The following TOGARAM1 variants were observed in gnomAD, a reference collection of about 807,000 sequenced individuals.
TOGARAM1 encodes the protein TOG array regulator of axonemal microtubules 1.
TOGARAM1 carries 100 observed loss-of-function variants against 166.6 expected under a neutral mutation model. The observed-to-expected ratio is 0.60, with a 90% confidence interval of 0.51 to 0.71. The LOEUF is 0.71. Among genes scored for constraint, TOGARAM1 ranks in the 30% least tolerant of loss-of-function variants. The probability of loss-of-function intolerance (pLI) is 0.00; values close to 1 mark genes in which losing one functional copy is unlikely to be tolerated. For missense variants in TOGARAM1, 2,029 were observed against 2,102.7 expected, an observed-to-expected ratio of 0.96 and a Z score of 0.69; for synonymous variants, 758 against 763.8, an observed-to-expected ratio of 0.99 and a Z score of 0.13.
chr14:45,045,613 G>GTATATATATA (rs1881994900), intron 13 of TOGARAM1, among the ~76,000 whole-genome samples: 1 of 74,456 alleles, frequency 1.3e-5, no homozygotes, highest in Non-Finnish European at 2.4e-5. Context: ...GTGTGTGTGT[G>GTATATATATA]TGTGTATATA....
chr14:44,978,673 C>G (rs1886349169), intron 1 of TOGARAM1, among the ~76,000 whole-genome samples: 1 of 152,068 alleles, frequency 6.6e-6, no homozygotes, highest in African/African-American at 2.4e-5. Flanking sequence ...TGGCACATGT[C>G]TATAGTCCCA....
At chr14:45,020,169 A>G (rs1880412287) in intron 7 of TOGARAM1, among the ~76,000 whole-genome samples, 1 of 152,222 alleles carries the variant, frequency 6.6e-6, no homozygotes, top group African/African-American at 2.4e-5. Context: ...CAGGGCATCC[A>G]CTGGCTGAGG....
intron 13 of TOGARAM1, among the ~76,000 whole-genome samples, chr14:45,045,543 G>A (rs12590447): frequency 0.26 from 9,947 of 38,116 alleles, 1,439 homozygotes; most frequent in Middle Eastern, 0.35. Context: ...GTCTGTGTGT[G>A]TATATATATA....
intron 15 of TOGARAM1, among the ~76,000 whole-genome samples, chr14:45,053,890 A>G (rs565423032): frequency 1.3e-5 from 2 of 152,052 alleles, no homozygotes; most frequent in African/African-American, 2.4e-5. Flanking sequence ...TATTATTATT[A>G]TTATTTTGAA....
chr14:45,040,206 A>G (rs933680796), intron 11 of TOGARAM1, among the ~76,000 whole-genome samples: 1 of 152,242 alleles, frequency 6.6e-6, no homozygotes, highest in Non-Finnish European at 1.5e-5. Context: ...TGTGTAACCT[A>G]TGGATCTAAG....
At chr14:45,046,839 C>T in intron 14 of TOGARAM1, 136 bp downstream of exon 14, 1 of 643,274 alleles carries the variant, frequency 1.6e-6, no homozygotes, top group Non-Finnish European at 2.2e-6. Context: ...GGGGGATGGT[C>T]TTATTTAACC....
intron 16 of TOGARAM1, among the ~76,000 whole-genome samples, chr14:45,058,175 A>G (rs1388254235): frequency 1.3e-5 from 2 of 151,066 alleles, no homozygotes; most frequent in Admixed American, 1.3e-4. Flanking sequence ...TGCTGAATTC[A>G]TCCCTTATCA....
intron 18 of TOGARAM1, among the ~76,000 whole-genome samples, chr14:45,069,465 C>T (rs1883283103): frequency 6.6e-6 from 1 of 151,112 alleles, no homozygotes; most frequent in Non-Finnish European, 1.5e-5. Flanking sequence ...GAACTCATAC[C>T]TAGAATATGT....
intron 7 of TOGARAM1, among the ~76,000 whole-genome samples, chr14:45,019,251 C>G (rs1441915780): frequency 6.6e-6 from 1 of 152,132 alleles, no homozygotes; most frequent in Non-Finnish European, 1.5e-5. Flanking sequence ...GTATCTGCTG[C>G]CATAGTTGTA....
At chr14:45,010,428 A>G (rs1879721046) in intron 6 of TOGARAM1, among the ~76,000 whole-genome samples, 1 of 152,202 alleles carries the variant, frequency 6.6e-6, no homozygotes, top group East Asian at 1.9e-4. Flanking sequence ...CACAAAATAT[A>G]TTTTTAGCTT....
At chr14:45,048,805 C>T (rs1392611728) in intron 14 of TOGARAM1, among the ~76,000 whole-genome samples, 5 of 151,636 alleles carry the variant, frequency 3.3e-5, no homozygotes, top group Non-Finnish European at 5.9e-5. Context: ...GATGAAACCC[C>T]GTCTCTATTA....
At position 44,962,307 on chromosome 14, in the gene TOGARAM1, T is replaced by C; in HGVS notation, c.-115T>C. ...GCGGCCTGGCGGCAGGCTGAAGCTGTTCTTTTGCCTCTTCTGCAGCTTGGG... is the reference window on the plus strand; with the variant it reads ...GCGGCCTGGCGGCAGGCTGAAGCTGCTCTTTTGCCTCTTCTGCAGCTTGGG... On this transcript the variant is annotated 5_prime_UTR_variant, in exon 1 of 20. Coordinates refer to ENST00000361462, the MANE Select transcript of TOGARAM1 (RefSeq NM_001308120.2). 4 of 1,315,948 alleles carry C rather than the reference T, an allele frequency of 3.0e-6. No individual in the cohort carries two copies. The highest frequency in any genetic ancestry group is 4.0e-6 in the Non-Finnish European group (4 of 997,764). 81.5% of individuals were successfully genotyped at this position (1,315,948 alleles called of 1,614,324 possible). A position where few individuals can be genotyped will look rare whatever the true frequency, so the allele number is the denominator to read the frequency against.
At chr14:44,965,869 ATT>A (rs747983176) in intron 1 of TOGARAM1, among the ~76,000 whole-genome samples, 13 of 120,484 alleles carry the variant, frequency 1.1e-4, no homozygotes, top group African/African-American at 1.7e-4. Context: ...ACAAATAGTA[ATT>A]TTTTTTTTTT....
At chr14:45,015,174 G>T (rs1026404222) in intron 7 of TOGARAM1, among the ~76,000 whole-genome samples, 3 of 151,694 alleles carry the variant, frequency 2.0e-5, no homozygotes, top group African/African-American at 4.8e-5. Context: ...GAATGGTGGC[G>T]TGCGCCTGTA....
chr14:44,998,957 T>C (rs1431708140), intron 2 of TOGARAM1, among the ~76,000 whole-genome samples: 1 of 152,126 alleles, frequency 6.6e-6, no homozygotes, highest in Non-Finnish European at 1.5e-5. Context: ...TGAGCCAAGA[T>C]CACACCACTG....
chr14:45,017,715 C>T (rs1022348552), intron 7 of TOGARAM1, among the ~76,000 whole-genome samples: 7 of 152,132 alleles, frequency 4.6e-5, no homozygotes, highest in Non-Finnish European at 7.3e-5. Flanking sequence ...GAAACCCCAT[C>T]TCTACTAAAA....
intron 18 of TOGARAM1, among the ~76,000 whole-genome samples, chr14:45,070,993 C>G (rs1393860384): frequency 6.6e-6 from 1 of 152,196 alleles, no homozygotes; most frequent in African/African-American, 2.4e-5. Flanking sequence ...ATGATCTCAG[C>G]TCACTGCAAC....
intron 7 of TOGARAM1, among the ~76,000 whole-genome samples, chr14:45,018,403 G>C (rs28572336): frequency 0.16 from 24,431 of 151,902 alleles, 3,677 homozygotes; most frequent in African/African-American, 0.4. Flanking sequence ...CCACGCCTGG[G>C]TAATTTATTT....
chr14:45,015,361 C>T (rs887773314), intron 7 of TOGARAM1, among the ~76,000 whole-genome samples: 32 of 149,938 alleles, frequency 2.1e-4, no homozygotes, highest in African/African-American at 7.1e-4. Context: ...TATATTTATA[C>T]ATATATACAC....
Sources: allele counts gnomAD v4.1 joint callset (sites outside exome capture counted in the v4.1 genomes callset), GRCh38; gene constraint gnomAD v4.1.1; transcripts MANE v1.5; gene names NCBI Gene and HGNC (gene_info 2026-07-23, HGNC 2026-07-21).